Variants in CNTNAP5 observed in about 807,000 individuals in gnomAD.
CNTNAP5 encodes the protein contactin associated protein family member 5.
A neutral mutation model predicts 150.2 loss-of-function variants in CNTNAP5; 72 were observed. The observed-to-expected ratio is 0.48, with a 90% confidence interval of 0.40 to 0.58. The LOEUF (loss-of-function observed/expected upper bound fraction) is 0.58, where lower values mean the gene tolerates loss of function less well. Among genes scored for constraint, CNTNAP5 ranks in the 20% least tolerant of loss-of-function variants. The pLI is 0.00. For missense variants in CNTNAP5, 1,636 were observed against 1,626.2 expected (o/e 1.01, Z -0.10); for synonymous variants, 672 against 619.8 (o/e 1.08, Z -1.25).
chr2:124,730,370 A>G, intron 13 of CNTNAP5, among the ~76,000 whole-genome samples: 1 of 151,336 alleles, frequency 6.6e-6, no homozygotes, highest in East Asian at 1.9e-4. Context: ...TATATCTGCA[A>G]ACAGATATGT....
At chr2:124,523,342 AT>A (rs1694892101) in intron 8 of CNTNAP5, among the ~76,000 whole-genome samples, 1 of 152,202 alleles carries the variant, frequency 6.6e-6, no homozygotes, top group South Asian at 2.1e-4. Context: ...ACTATTTACA[AT>A]TTAGAATTGT....
At chr2:124,073,190 C>T (rs1682352325) in intron 1 of CNTNAP5, among the ~76,000 whole-genome samples, 1 of 152,008 alleles carries the variant, frequency 6.6e-6, no homozygotes, top group African/African-American at 2.4e-5. Context: ...CTATCCCTCA[C>T]CATACGCAAA....
At chr2:124,566,222 C>A (rs1173351751) in intron 11 of CNTNAP5, among the ~76,000 whole-genome samples, 1 of 152,108 alleles carries the variant, frequency 6.6e-6, no homozygotes, top group South Asian at 2.1e-4. Context: ...AATTTAATAG[C>A]AAGACAAGGG....
At chr2:124,177,862 T>C (rs2104674815) in intron 1 of CNTNAP5, among the ~76,000 whole-genome samples, 1 of 152,024 alleles carries the variant, frequency 6.6e-6, no homozygotes, top group East Asian at 1.9e-4. Context: ...TTTTTTTTTT[T>C]TTGAAACAGA....
chr2:124,219,998 T>C (rs1177521966), intron 1 of CNTNAP5, among the ~76,000 whole-genome samples: 1 of 152,148 alleles, frequency 6.6e-6, no homozygotes, highest in Non-Finnish European at 1.5e-5. Context: ...TGGGAAAAAC[T>C]CAAAATACAC....
intron 13 of CNTNAP5, among the ~76,000 whole-genome samples, chr2:124,670,191 C>G (rs1558728570): frequency 8.9e-6 from 1 of 112,580 alleles, no homozygotes; most frequent in African/African-American, 3.3e-5. Context: ...CTCTCTTTCT[C>G]TTTCTCTCTC....
intron 3 of CNTNAP5, among the ~76,000 whole-genome samples, chr2:124,361,668 T>C (rs1030291463): frequency 7.6e-5 from 11 of 144,592 alleles, no homozygotes; most frequent in Non-Finnish European, 1.4e-4. Context: ...CTGCCGGTTC[T>C]CAGATCTCCA....
chr2:124,280,686 G>T (rs139169443), intron 3 of CNTNAP5, among the ~76,000 whole-genome samples: 1 of 151,984 alleles, frequency 6.6e-6, no homozygotes, highest in East Asian at 1.9e-4. Flanking sequence ...AGCTTTGGAG[G>T]CCCCAGTCCC....
chr2:124,660,405 A>G (rs1678562009), intron 13 of CNTNAP5, among the ~76,000 whole-genome samples: 1 of 152,228 alleles, frequency 6.6e-6, no homozygotes, highest in Non-Finnish European at 1.5e-5. Flanking sequence ...CAATGAACCA[A>G]GTAGTATCTA....
chr2:124,556,794 C>T (rs1298905054), intron 10 of CNTNAP5, among the ~76,000 whole-genome samples: 2 of 151,872 alleles, frequency 1.3e-5, no homozygotes, highest in Admixed American at 6.6e-5. Context: ...AAGGGTATTG[C>T]CATCAACTGT....
At chr2:124,538,440 T>C (rs1695292205) in intron 10 of CNTNAP5, among the ~76,000 whole-genome samples, 1 of 151,142 alleles carries the variant, frequency 6.6e-6, no homozygotes, top group South Asian at 2.1e-4. Context: ...ATCATGCCAC[T>C]GCACTCCAGC....
chr2:124,210,616 A>T (rs1385746562), intron 1 of CNTNAP5, among the ~76,000 whole-genome samples: 1 of 152,094 alleles, frequency 6.6e-6, no homozygotes, highest in Non-Finnish European at 1.5e-5. Context: ...TCTTACCCTC[A>T]ATTCTCTATC....
At chr2:124,696,508 T>C (rs761644967) in intron 13 of CNTNAP5, among the ~76,000 whole-genome samples, 2 of 152,308 alleles carry the variant, frequency 1.3e-5, no homozygotes, top group Non-Finnish European at 2.9e-5. Context: ...CTAGTGGCCA[T>C]AGTCAGCCCT....
chr2:124,554,725 C>T (rs950073127), intron 10 of CNTNAP5, among the ~76,000 whole-genome samples: 4 of 152,136 alleles, frequency 2.6e-5, no homozygotes, highest in African/African-American at 9.7e-5. Context: ...CTCAGCCTTA[C>T]ACATTTTAAA....
chr2:124,469,199 A>G (rs1693447525), intron 6 of CNTNAP5, among the ~76,000 whole-genome samples: 1 of 152,196 alleles, frequency 6.6e-6, no homozygotes, highest in Admixed American at 6.5e-5. Flanking sequence ...CCCTCAGTGT[A>G]ATAGGAAACT....
intron 3 of CNTNAP5, among the ~76,000 whole-genome samples, chr2:124,270,914 G>T (rs540824783): frequency 6.6e-6 from 1 of 152,254 alleles, no homozygotes; most frequent in African/African-American, 2.4e-5. Context: ...CCCATGTTGG[G>T]TTCCTAAGTT....
intron 3 of CNTNAP5, among the ~76,000 whole-genome samples, chr2:124,356,571 T>C (rs1393486497): frequency 6.6e-6 from 1 of 151,368 alleles, no homozygotes; most frequent in Non-Finnish European, 1.5e-5. Flanking sequence ...GGTTTTTTGT[T>C]CTTGCGATAG....
intron 3 of CNTNAP5, among the ~76,000 whole-genome samples, chr2:124,366,475 G>A (rs1690374262): frequency 6.6e-6 from 1 of 152,106 alleles, no homozygotes; most frequent in Non-Finnish European, 1.5e-5. Flanking sequence ...GGCCACCAAG[G>A]GGCTTCCATA....
chr2:124,792,744 C>T (rs1015934002), intron 18 of CNTNAP5, among the ~76,000 whole-genome samples: 11 of 152,290 alleles, frequency 7.2e-5, no homozygotes, highest in African/African-American at 2.6e-4. Flanking sequence ...TAGATTTGCC[C>T]ATCCTGAGCC....
Sources: gnomAD v4.1 joint callset for allele counts (sites outside exome capture counted in the v4.1 genomes callset) on GRCh38, gnomAD v4.1.1 for gene constraint, MANE v1.5 for transcripts, NCBI Gene and HGNC (gene_info 2026-07-23, HGNC 2026-07-21) for gene names.